UBE2E2: variants seen among roughly 807,000 people sequenced by gnomAD.
UBE2E2 encodes the protein ubiquitin conjugating enzyme E2 E2.
Under a neutral mutation model 24.7 loss-of-function variants are expected in UBE2E2, and 6 were observed. The observed-to-expected ratio is 0.24, with a 90% CI of 0.13 to 0.48. The LOEUF (loss-of-function observed/expected upper bound fraction) is 0.48. UBE2E2 is among the 20% of genes least tolerant of loss of function. The pLI is 0.99. For missense variants in UBE2E2, 169 were observed against 245.0 expected, an observed-to-expected ratio of 0.69 and a Z score of 2.07; for synonymous variants, 104 against 83.6, an observed-to-expected ratio of 1.24 and a Z score of -1.33.
At chr3:23,366,567 G>A (rs574162851) in intron 3 of UBE2E2, among the ~76,000 whole-genome samples, 1 of 152,138 alleles carries the variant, frequency 6.6e-6, no homozygotes, top group Non-Finnish European at 1.5e-5. Flanking sequence ...GGTAAACATT[G>A]AGTACACATG....
chr3:23,455,706 A>G (rs1191103166), intron 3 of UBE2E2, among the ~76,000 whole-genome samples: 1 of 152,152 alleles, frequency 6.6e-6, no homozygotes, highest in Non-Finnish European at 1.5e-5. Flanking sequence ...AAGAAAAATA[A>G]GAAAACTTTA....
Position 23,504,973 on chromosome 3 carries a change from A to G in UBE2E2, c.360+5233A>G, listed in dbSNP as rs543664829. On this transcript the variant is annotated intron_variant, in intron 4 of 5. Coordinates refer to ENST00000396703, the MANE Select transcript of UBE2E2 (RefSeq NM_152653.4). ...GCCCAGGCTGGAGTGCAGTGACGTG[A>G]TCATGGCTTACTGCAACCTCCGCCC... is the stretch of plus-strand genomic sequence containing the variant. Among the ~76,000 whole-genome samples the G allele has an allele frequency of 4.6e-4, 63 of 138,286 alleles. No individual in the cohort carries two copies. In the Middle Eastern group the frequency reaches 0.014, roughly 32 times the overall value. The allele number at this position is 138,286 out of a possible 152,430, so 90.7% of individuals were successfully genotyped here.
intron 5 of UBE2E2, among the ~76,000 whole-genome samples, chr3:23,548,688 C>T (rs1378771606): frequency 1.3e-5 from 2 of 152,160 alleles, no homozygotes; most frequent in African/African-American, 4.8e-5. Flanking sequence ...TTATGGTTCA[C>T]GTGCTGCTCT....
At chr3:23,341,272 C>T (rs1298101110) in intron 3 of UBE2E2, among the ~76,000 whole-genome samples, 2 of 152,116 alleles carry the variant, frequency 1.3e-5, no homozygotes, top group African/African-American at 4.8e-5. Flanking sequence ...TTATAGAGCA[C>T]TTCCTGTATG....
chr3:23,421,606 C>G (rs73138453), intron 3 of UBE2E2, among the ~76,000 whole-genome samples: 24,717 of 152,160 alleles, frequency 0.16, 2,049 homozygotes, highest in South Asian at 0.22. Flanking sequence ...TGGGGTTTCA[C>G]CATGTTGGCC....
intron 3 of UBE2E2, among the ~76,000 whole-genome samples, chr3:23,236,908 C>G: frequency 6.6e-6 from 1 of 152,162 alleles, no homozygotes; most frequent in East Asian, 1.9e-4. Flanking sequence ...GGTCCTTTGT[C>G]TCTCTCTTTC....
At position 23,568,690 on chromosome 3, in the gene UBE2E2, TAC is replaced by T. The variant is rs199865871; in HGVS notation, c.509-21038_509-21037del. On this transcript the variant is annotated intron_variant, in intron 5 of 5. Transcript: ENST00000396703. ...ATACGCACATATATGTATACATATA[TAC>T]ACACATATATATATACATGTATATA... 7.5e-3 allele frequency among the ~76,000 whole-genome samples: 700 copies of T among 93,042 alleles called. 5 individuals carry two copies. The highest frequency in any genetic ancestry group is 0.028 in the African/African-American group (633 of 22,732). 61.0% of individuals were successfully genotyped at this position (93,042 alleles called of 152,430 possible).
chr3:23,268,777 G>A lies in UBE2E2; in HGVS notation c.227+51465G>A, dbSNP rs1346632376. Among the ~76,000 whole-genome samples the A allele has an allele frequency of 5.4e-5, 8 of 149,054 alleles. No homozygotes were observed. The East Asian group carries it at 1.4e-3, about 26-fold the overall frequency. On this transcript the variant is annotated intron_variant, in intron 3 of 5. Coordinates refer to ENST00000396703, the MANE Select transcript of UBE2E2 (RefSeq NM_152653.4). ...CTAAGCCAAAAGAACGAAGCTGGAG[G>A]CATCACGCTACCTGACTTCAAACTA... is the stretch of plus-strand genomic sequence containing the variant.
intron 5 of UBE2E2, among the ~76,000 whole-genome samples, chr3:23,571,790 T>C (rs2125512904): frequency 6.6e-6 from 1 of 152,212 alleles, no homozygotes; most frequent in South Asian, 2.1e-4. Flanking sequence ...TACTAACGAA[T>C]CTCTTGGTAC....
chr3:23,263,095 G>T (rs1436149744), intron 3 of UBE2E2, among the ~76,000 whole-genome samples: 2 of 152,140 alleles, frequency 1.3e-5, no homozygotes, highest in South Asian at 4.1e-4. Context: ...GGTGGAAAAG[G>T]TGTGTTCTTA....
intron 3 of UBE2E2, chr3:23,449,764 A>C (rs531152493): frequency 8.0e-6 from 5 of 625,104 alleles, no homozygotes; most frequent in African/African-American, 2.0e-5. Flanking sequence ...GTTTTGAATT[A>C]ACTAAATAAT....
chr3:23,548,462 C>G (rs1015036891), intron 5 of UBE2E2, among the ~76,000 whole-genome samples: 1 of 152,212 alleles, frequency 6.6e-6, no homozygotes, highest in African/African-American at 2.4e-5. Context: ...ACTCCACCTT[C>G]AAGCTGGAAG....
intron 1 of UBE2E2, among the ~76,000 whole-genome samples, chr3:23,205,694 T>G (rs1226205038): frequency 1.3e-5 from 2 of 152,192 alleles, no homozygotes; most frequent in Non-Finnish European, 2.9e-5. Flanking sequence ...AAATATGTCT[T>G]AACTCAAAAG....
At chr3:23,321,411 A>G (rs573847302) in intron 3 of UBE2E2, among the ~76,000 whole-genome samples, 27 of 152,072 alleles carry the variant, frequency 1.8e-4, no homozygotes, top group African/African-American at 5.8e-4. Flanking sequence ...CCCGGCATCT[A>G]GTAGGGAGAG....
rs1057026778 is a variant in UBE2E2, at chr3:23,496,983, A to T, written c.228-2625A>T. Reference sequence around the variant, plus strand: ...TCAATTAATACATATTTTGCATGTTATATGTATATATGCTGTATTCTTACA... The same window carrying T: ...TCAATTAATACATATTTTGCATGTTTTATGTATATATGCTGTATTCTTACA... On this transcript the variant is annotated intron_variant, in intron 3 of 5. Coordinates refer to ENST00000396703, the MANE Select transcript of UBE2E2 (RefSeq NM_152653.4). Among the ~76,000 whole-genome samples the T allele has an allele frequency of 6.6e-5, 10 of 152,338 alleles. 2 individuals are homozygous for T. The highest frequency in any genetic ancestry group is 1.3e-4 in the Admixed American group (2 of 15,296).
At chr3:23,498,321 T>C (rs1233741537) in intron 3 of UBE2E2, among the ~76,000 whole-genome samples, 1 of 152,182 alleles carries the variant, frequency 6.6e-6, no homozygotes, top group African/African-American at 2.4e-5. Flanking sequence ...AAATCCAGTT[T>C]CTCTGTTTTT....
Position 23,395,482 on chromosome 3 carries a change from T to C in UBE2E2, c.228-104126T>C, listed in dbSNP as rs144840615. ...TAAGCTGTCTATAAGTTATCCAACC[T>C]ATCCGAGAAGCATTCAACAGTAGTC... is the stretch of plus-strand genomic sequence containing the variant. On this transcript the variant is annotated intron_variant, in intron 3 of 5. Coordinates refer to ENST00000396703, the MANE Select transcript of UBE2E2 (RefSeq NM_152653.4). Among the ~76,000 whole-genome samples the C allele has an allele frequency of 7.1e-3, 1,075 of 152,304 alleles. 5 individuals carry two copies. The highest frequency in any genetic ancestry group is 0.024 in the African/African-American group (998 of 41,570).
At chr3:23,389,607 A>T (rs1460265437) in intron 3 of UBE2E2, 1 of 261,938 alleles carries the variant, frequency 3.8e-6, no homozygotes, top group African/African-American at 2.2e-5. Context: ...AAGTTCCTTC[A>T]TGTCTACATC....
intron 3 of UBE2E2, among the ~76,000 whole-genome samples, chr3:23,346,418 A>G (rs958324574): frequency 2.6e-5 from 4 of 152,130 alleles, no homozygotes; most frequent in Non-Finnish European, 5.9e-5. Flanking sequence ...ACATTTTCTC[A>G]CCTGTTAAGG....
Sources: allele counts gnomAD v4.1 joint callset (sites outside exome capture counted in the v4.1 genomes callset), GRCh38; gene constraint gnomAD v4.1.1; transcripts MANE v1.5; gene names NCBI Gene and HGNC (gene_info 2026-07-23, HGNC 2026-07-21).